Variants in DLGAP1 observed in about 807,000 individuals in gnomAD.
DLGAP1 encodes the protein DLG associated protein 1.
In DLGAP1, 11 loss-of-function variants were observed where a neutral mutation model predicts 90.8. The observed-to-expected ratio is 0.12, with a 90% CI of 0.08 to 0.20. DLGAP1 has a LOEUF of 0.20. DLGAP1 is among the 10% of genes least tolerant of loss of function. DLGAP1 has a pLI of 1.00. For synonymous variants in DLGAP1, 558 were observed against 540.7 expected, an observed-to-expected ratio of 1.03 and a Z score of -0.44; for missense variants, 1,050 against 1,333.8, an observed-to-expected ratio of 0.79 and a Z score of 3.31.
chr18:3,724,941 C>T lies in DLGAP1; in HGVS notation c.1591+4194G>A, dbSNP rs2062111931. On this transcript the variant is annotated intron_variant, in intron 7 of 12. Transcript: ENST00000315677. ...AAACCCAACCAAACAGAAAAACCCACCAGAGAATATATATCATGATAGCTT... is the reference window on the plus strand; with the variant it reads ...AAACCCAACCAAACAGAAAAACCCATCAGAGAATATATATCATGATAGCTT... 2.6e-5 allele frequency among the ~76,000 whole-genome samples: 4 copies of T among 151,404 alleles called. No individual in the cohort carries two copies. In the South Asian group the frequency reaches 8.3e-4, roughly 31 times the overall value.
At chr18:4,288,969 T>C (rs551030892) in intron 1 of DLGAP1, among the ~76,000 whole-genome samples, 3 of 152,178 alleles carry the variant, frequency 2.0e-5, no homozygotes, top group African/African-American at 7.2e-5. Context: ...TTCTGTCATG[T>C]GGCGCCCATT....
chr18:4,093,968 A>G (rs2075630199), intron 2 of DLGAP1, among the ~76,000 whole-genome samples: 1 of 152,176 alleles, frequency 6.6e-6, no homozygotes. Flanking sequence ...TTAATTTAAG[A>G]CGCTCCACTT....
intron 10 of DLGAP1, among the ~76,000 whole-genome samples, chr18:3,522,129 T>G (rs2051236870): frequency 7.1e-6 from 1 of 141,108 alleles, no homozygotes; most frequent in Admixed American, 7.7e-5. Flanking sequence ...GCCTTTTTCT[T>G]TCTTGCTTTT....
chr18:4,018,377 G>T (rs1198047534), intron 2 of DLGAP1, among the ~76,000 whole-genome samples: 6 of 152,204 alleles, frequency 3.9e-5, no homozygotes, highest in African/African-American at 1.4e-4. Flanking sequence ...GGCTGCCCAG[G>T]GAGGAAGCAT....
intron 3 of DLGAP1, among the ~76,000 whole-genome samples, chr18:3,922,885 C>A (rs565602297): frequency 1.3e-5 from 2 of 152,208 alleles, no homozygotes; most frequent in South Asian, 2.1e-4. Context: ...GTGATCCCAG[C>A]ACTTTGGGAG....
intron 1 of DLGAP1, among the ~76,000 whole-genome samples, chr18:4,453,944 T>C (rs565036093): frequency 2.6e-5 from 4 of 152,072 alleles, no homozygotes; most frequent in African/African-American, 4.8e-5. Context: ...CCTCCGCACA[T>C]CCTCCCCTTC....
intron 1 of DLGAP1, among the ~76,000 whole-genome samples, chr18:4,240,052 G>A (rs769464843): frequency 6.6e-6 from 1 of 151,912 alleles, no homozygotes; most frequent in African/African-American, 2.4e-5. Flanking sequence ...CCTTTGTCTT[G>A]TAATTTACTT....
chr18:4,111,480 CT>C (rs956417732), intron 2 of DLGAP1, among the ~76,000 whole-genome samples: 2 of 152,090 alleles, frequency 1.3e-5, no homozygotes, highest in African/African-American at 4.8e-5. Context: ...ATTAAGAAGA[CT>C]TTACAAAGGA....
intron 3 of DLGAP1, among the ~76,000 whole-genome samples, chr18:3,965,143 A>G (rs2073295755): frequency 6.6e-6 from 1 of 152,174 alleles, no homozygotes; most frequent in Non-Finnish European, 1.5e-5. Context: ...GATTCACTTT[A>G]TTTCTTTTCT....
At chr18:4,099,469 T>G (rs1443265753) in intron 2 of DLGAP1, among the ~76,000 whole-genome samples, 3 of 152,216 alleles carry the variant, frequency 2.0e-5, no homozygotes, top group Non-Finnish European at 4.4e-5. Flanking sequence ...AAGAGTTATG[T>G]GTACACTGCA....
chr18:3,531,931 C>A (rs1180635069), intron 10 of DLGAP1, among the ~76,000 whole-genome samples: 1 of 152,142 alleles, frequency 6.6e-6, no homozygotes, highest in African/African-American at 2.4e-5. Context: ...TCTCAGCTTG[C>A]CGCAACCTCT....
At chr18:4,223,428 T>C (rs2144988766) in intron 1 of DLGAP1, among the ~76,000 whole-genome samples, 1 of 152,310 alleles carries the variant, frequency 6.6e-6, no homozygotes, top group East Asian at 1.9e-4. Context: ...TGTACCAAAA[T>C]AGTTGCAGCC....
chr18:4,265,103 T>TTTCCTTCCTTCC lies in DLGAP1; in HGVS notation c.-266-113828_-266-113817dup, dbSNP rs150589333. Among the ~76,000 whole-genome samples the TTTCCTTCCTTCC allele has an allele frequency of 8.7e-3, 1,217 of 139,690 alleles. 18 individuals are homozygous for TTTCCTTCCTTCC. The highest frequency in any genetic ancestry group is 0.031 in the African/African-American group (1,143 of 36,346). The allele number at this position is 139,690 out of a possible 152,430, so 91.6% of individuals were successfully genotyped here. A position where few individuals can be genotyped will look rare whatever the true frequency, so the allele number is the denominator to read the frequency against. ...AAATCTTAATCATATTAATGTAATT[T>TTTCCTTCCTTCC]TTCCTTCCTTCCTTCCTTCCTTCCT... On this transcript the variant is annotated intron_variant, in intron 1 of 12. Transcript: ENST00000315677.
chr18:3,946,459 G>A (rs1470587320), intron 3 of DLGAP1, among the ~76,000 whole-genome samples: 5 of 152,272 alleles, frequency 3.3e-5, no homozygotes, highest in Middle Eastern at 3.4e-3. Context: ...TACCTTTCAA[G>A]TCAAACATTA....
intron 5 of DLGAP1, among the ~76,000 whole-genome samples, chr18:3,808,783 C>T (rs766159204): frequency 2.6e-5 from 4 of 151,766 alleles, no homozygotes; most frequent in Non-Finnish European, 5.9e-5. Flanking sequence ...CACAGCATGT[C>T]CAGGAGGAGA....
At chr18:4,041,288 C>A (rs186590647) in intron 2 of DLGAP1, among the ~76,000 whole-genome samples, 1 of 152,280 alleles carries the variant, frequency 6.6e-6, no homozygotes, top group Admixed American at 6.5e-5. Flanking sequence ...GCATGTTACA[C>A]TACATTTATC....
At chr18:4,265,772 T>C (rs2079117611) in intron 1 of DLGAP1, among the ~76,000 whole-genome samples, 1 of 150,550 alleles carries the variant, frequency 6.6e-6, no homozygotes, top group South Asian at 2.1e-4. Flanking sequence ...ACTGCAGCCT[T>C]GACCTCCCCG....
rs10667751 is a variant in DLGAP1, at chr18:3,772,458, C to CTCTTTCTTTCTTTCTT, written c.1173-29962_1173-29947dup. ...CCCTCCCTCCCTCCCCCCCACCCCC[C>CTCTTTCTTTCTTTCTT]TCTTTCTTTCTTTCTTTCTTTCTTC... On this transcript the variant is annotated intron_variant, in intron 5 of 12. Coordinates refer to ENST00000315677, the MANE Select transcript of DLGAP1 (RefSeq NM_004746.4). Among the ~76,000 whole-genome samples, 424 of 83,804 alleles carry CTCTTTCTTTCTTTCTT rather than the reference C, an allele frequency of 5.1e-3. 15 individuals are homozygous for CTCTTTCTTTCTTTCTT. The highest frequency in any genetic ancestry group is 0.017 in the African/African-American group (379 of 22,548). 55.0% of individuals were successfully genotyped at this position (83,804 alleles called of 152,430 possible). A position where few individuals can be genotyped will look rare whatever the true frequency, so the allele number is the denominator to read the frequency against.
At position 3,977,434 on chromosome 18, in the gene DLGAP1, G is replaced by GTTTTTTT. The variant is rs58599574; in HGVS notation, c.-73+27675_-73+27681dup. 4.0e-3 allele frequency among the ~76,000 whole-genome samples: 383 copies of GTTTTTTT among 95,236 alleles called. 9 individuals are homozygous for GTTTTTTT. The highest frequency in any genetic ancestry group is 7.6e-3 in the African/African-American group (182 of 23,948). 62.5% of individuals were successfully genotyped at this position (95,236 alleles called of 152,430 possible). On this transcript the variant is annotated intron_variant, in intron 3 of 12. Transcript: ENST00000315677. ...AGTTAATGAATTATGTTTATTCTGT[G>GTTTTTTT]TTTTTTTTTTTTTTTTTTTTGCTGA...
Sources: allele counts gnomAD v4.1 joint callset (sites outside exome capture counted in the v4.1 genomes callset), GRCh38; gene constraint gnomAD v4.1.1; transcripts MANE v1.5; gene names NCBI Gene and HGNC (gene_info 2026-07-23, HGNC 2026-07-21).